The following PHKB variants were observed in gnomAD, a reference collection of about 807,000 sequenced individuals.
The protein encoded by PHKB is phosphorylase b kinase regulatory subunit beta.
In PHKB, 122 loss-of-function variants were observed where a neutral mutation model predicts 152.1. That is an observed-to-expected ratio of 0.80 (90% CI 0.69 to 0.93). PHKB has a LOEUF of 0.93. Among genes scored for constraint, PHKB ranks in the 40% least tolerant of loss-of-function variants. The pLI, the probability that PHKB is intolerant of heterozygous loss-of-function variation, is 0.00. For missense variants in PHKB, 1,304 were observed against 1,328.4 expected (o/e 0.98, Z 0.29); for synonymous variants, 436 against 464.9 (o/e 0.94, Z 0.80).
intron 6 of PHKB, among the ~76,000 whole-genome samples, chr16:47,546,933 G>C (rs936273384): frequency 6.6e-6 from 1 of 152,144 alleles, no homozygotes; most frequent in African/African-American, 2.4e-5. Flanking sequence ...ATAATCTCCT[G>C]GTGTGCCGTT....
At chr16:47,477,992 A>G (rs1969897993) in intron 1 of PHKB, among the ~76,000 whole-genome samples, 1 of 152,126 alleles carries the variant, frequency 6.6e-6, no homozygotes, top group African/African-American at 2.4e-5. Flanking sequence ...AGAGAAAATT[A>G]TATACTTTTA....
intron 20 of PHKB, among the ~76,000 whole-genome samples, chr16:47,654,372 A>G (rs989126461): frequency 2.0e-5 from 3 of 152,218 alleles, no homozygotes; most frequent in African/African-American, 7.2e-5. Flanking sequence ...AACTAGTTCA[A>G]CCATTGTGGA....
intron 26 of PHKB, among the ~76,000 whole-genome samples, chr16:47,681,529 GTTCT>G (rs1394388719): frequency 6.6e-5 from 10 of 151,416 alleles, no homozygotes; most frequent in South Asian, 2.1e-4. Context: ...ATGTAATGGC[GTTCT>G]TTGTCTCTTT....
intron 20 of PHKB, among the ~76,000 whole-genome samples, chr16:47,652,902 C>G (rs993854436): frequency 6.6e-6 from 1 of 152,152 alleles, no homozygotes; most frequent in Non-Finnish European, 1.5e-5. Flanking sequence ...CTCGGCCTCC[C>G]GAAGTGCTAG....
At position 47,580,204 on chromosome 16, in the gene PHKB, A is replaced by G; in HGVS notation, c.711-91A>G. ...CAGAAGTTGTTATAAATGTTAATAA[A>G]GAAATTTGCTCGTGAATATTCATCA... On this transcript the variant is annotated intron_variant, in intron 7 of 30. Transcript: ENST00000323584. The G allele has an allele frequency of 3.2e-6, 3 of 925,114 alleles. No individual in the cohort carries two copies. The South Asian group carries it at 4.2e-5, about 13-fold the overall frequency. 57.3% of individuals were successfully genotyped at this position (925,114 alleles called of 1,614,324 possible).
Position 47,596,535 on chromosome 16 carries a change from A to C in PHKB, c.1363+4A>C. ...TATATCATCGCAAAACTCCTGGGTAAGTGGAGAAGATTGGGAATGGTATTT... is the reference window on the plus strand; with the variant it reads ...TATATCATCGCAAAACTCCTGGGTACGTGGAGAAGATTGGGAATGGTATTT... On this transcript the variant is annotated splice_donor_region_variant and intron_variant, in intron 13 of 30. Transcript: ENST00000323584. 6.2e-7 allele frequency: 1 copy of C among 1,612,974 alleles called. No homozygotes were observed. The highest frequency in any genetic ancestry group is 8.5e-7 in the Non-Finnish European group (1 of 1,179,078).
chr16:47,688,958 G>A (rs1974013013), intron 26 of PHKB, 83 bp from the exon 27 acceptor site: 1 of 1,421,412 alleles, frequency 7.0e-7, no homozygotes, highest in Non-Finnish European at 9.9e-7. Context: ...ATGGGTCAGT[G>A]CTATTAAGGG....
chr16:47,607,251 C>T (rs1972342232), intron 13 of PHKB, among the ~76,000 whole-genome samples: 1 of 152,104 alleles, frequency 6.6e-6, no homozygotes, highest in Admixed American at 6.5e-5. Flanking sequence ...GCAACCATCA[C>T]TGCCATCAGT....
Position 47,650,612 on chromosome 16 carries a change from G to A in PHKB, c.1866G>A (p.Arg622=). The A allele has an allele frequency of 2.5e-6, 4 of 1,606,110 alleles. No individual in the cohort carries two copies. The highest frequency in any genetic ancestry group is 1.3e-5 in the African/African-American group (1 of 74,828). Residue 622 remains arginine, a synonymous_variant, in exon 19 of 31, where the codon CGG becomes CGA. Coordinates refer to ENST00000323584, the MANE Select transcript of PHKB (RefSeq NM_000293.3). ...GTCCACTTTTCCTTGTTCTCATCCG[G>A]GAAGACAATATAAGGTAGGTTGATA... is the stretch of plus-strand genomic sequence containing the variant. The part of the protein sequence containing the change: ...HGRPLFLVLI[R]EDNIRGSRFN...
At chr16:47,566,207 T>C in intron 7 of PHKB, 1 of 738,704 alleles carries the variant, frequency 1.4e-6, no homozygotes. Context: ...AATACCAATC[T>C]GAATCATAAC....
At chr16:47,607,936 ATGT>A (rs917667494) in intron 13 of PHKB, among the ~76,000 whole-genome samples, 8 of 152,030 alleles carry the variant, frequency 5.3e-5, no homozygotes, top group African/African-American at 1.9e-4. Context: ...CAAATGACTA[ATGT>A]TGTGCATTTT....
intron 6 of PHKB, among the ~76,000 whole-genome samples, chr16:47,544,946 GT>G (rs1444163755): frequency 5.9e-5 from 9 of 152,084 alleles, no homozygotes; most frequent in African/African-American, 2.2e-4. Flanking sequence ...CATTTGCTTG[GT>G]AGATCTTCCT....
chr16:47,592,344 A>C (rs1020381384), intron 10 of PHKB, among the ~76,000 whole-genome samples: 1 of 152,238 alleles, frequency 6.6e-6, no homozygotes, highest in African/African-American at 2.4e-5. Flanking sequence ...CATGACCTGC[A>C]AGGCCCTTCC....
chr16:47,693,494 A>G lies in PHKB; in HGVS notation c.2882A>G (p.Lys961Arg). The G allele has an allele frequency of 5.0e-6, 8 of 1,614,080 alleles. No homozygotes were observed. The highest frequency in any genetic ancestry group is 6.8e-6 in the Non-Finnish European group (8 of 1,179,994). Residue 961 changes from lysine to arginine, a missense_variant, in exon 28 of 31, where the codon AAG becomes AGG. By Grantham distance (26) the Lys-to-Arg change is conservative. Transcript: ENST00000323584. The part of the protein sequence containing the change: ...RTPNGIIVAG[K>R]HLPQQPTLSD... ...CCCAATGGGATCATTGTTGCTGGGA[A>G]GCATTTGCCTCAGGTAAAGCCCCAC... is the stretch of plus-strand genomic sequence containing the variant.
At chr16:47,543,382 G>A (rs956032866) in intron 6 of PHKB, among the ~76,000 whole-genome samples, 7 of 152,182 alleles carry the variant, frequency 4.6e-5, no homozygotes, top group Non-Finnish European at 5.9e-5. Context: ...GCTTTTTGAT[G>A]TGCTGCTGGA....
intron 14 of PHKB, among the ~76,000 whole-genome samples, chr16:47,620,658 G>A (rs1029965483): frequency 1.3e-5 from 2 of 152,108 alleles, no homozygotes; most frequent in African/African-American, 2.4e-5. Context: ...AGTGGATCAC[G>A]AGGTCAGGAG....
intron 26 of PHKB, among the ~76,000 whole-genome samples, chr16:47,684,536 G>T (rs908633436): frequency 2.6e-5 from 4 of 152,136 alleles, no homozygotes; most frequent in African/African-American, 9.7e-5. Flanking sequence ...GGAGGCCAAG[G>T]TAGGCGGATC....
chr16:47,571,974 C>T (rs1397646037), intron 7 of PHKB, among the ~76,000 whole-genome samples: 2 of 152,100 alleles, frequency 1.3e-5, no homozygotes, highest in African/African-American at 4.8e-5. Context: ...AGCTGCTTAT[C>T]TGGGTTTAGC....
intron 6 of PHKB, among the ~76,000 whole-genome samples, chr16:47,545,640 C>T (rs540393478): frequency 1.3e-5 from 2 of 152,238 alleles, no homozygotes; most frequent in African/African-American, 4.8e-5. Context: ...ATGTTGGCCT[C>T]CCTTGCTAGG....
Sources: allele counts gnomAD v4.1 joint callset (sites outside exome capture counted in the v4.1 genomes callset), GRCh38; gene constraint gnomAD v4.1.1; transcripts MANE v1.5; gene names NCBI Gene and HGNC (gene_info 2026-07-23, HGNC 2026-07-21).